The following DCAKD variants were observed in gnomAD, a reference collection of about 807,000 sequenced individuals.
The protein encoded by DCAKD is dephospho-CoA kinase domain containing.
In DCAKD, 15 loss-of-function variants were observed where a neutral mutation model predicts 18.7. That is an observed-to-expected ratio of 0.80 (90% CI 0.54 to 1.24). The LOEUF is 1.24. Among genes scored for constraint, DCAKD ranks in the 50% most tolerant of loss-of-function variants. The pLI is 0.00. For missense variants in DCAKD, 301 were observed against 322.0 expected, an observed-to-expected ratio of 0.93 and a Z score of 0.50; for synonymous variants, 130 against 133.0, an observed-to-expected ratio of 0.98 and a Z score of 0.16.
chr17:45,033,947 T>C, intron 3 of DCAKD: 1 of 1,553,922 alleles, frequency 6.4e-7, no homozygotes, highest in Non-Finnish European at 8.7e-7. Context: ...CCTGGGCTCA[T>C]GGCTCGAAAG....
chr17:45,044,689 CAATAAATAAATAAATAAATAAATA>C lies in DCAKD; in HGVS notation c.-115+6648_-115+6671del, dbSNP rs143312640. Among the ~76,000 whole-genome samples, 6 of 147,418 alleles carry C rather than the reference CAATAAATAAATAAATAAATAAATA, an allele frequency of 4.1e-5. No individual in the cohort carries two copies. In the East Asian group the frequency reaches 8.2e-4, roughly 20 times the overall value. On this transcript the variant is annotated intron_variant, in intron 1 of 4. Transcript: ENST00000651974. ...CCTGGGAGACAGAGAGAGACTCCAT[CAATAAATAAATAAATAAATAAATA>C]AATAAATAAATAAATAAATAAATAA... is the stretch of plus-strand genomic sequence containing the variant.
chr17:45,057,916 C>T (rs1356385004), intron 1 of DCAKD, among the ~76,000 whole-genome samples: 2 of 141,172 alleles, frequency 1.4e-5, no homozygotes, highest in South Asian at 4.4e-4. Context: ...GAGGCTGAGG[C>T]AGGAGAATCG....
intron 1 of DCAKD, among the ~76,000 whole-genome samples, chr17:45,044,287 G>GGCT (rs2053511912): frequency 6.6e-6 from 1 of 151,994 alleles, no homozygotes; most frequent in African/African-American, 2.4e-5. Context: ...TTCCCCAGAG[G>GGCT]GCTGCCCCAT....
chr17:45,049,990 G>C (rs1329587752), intron 1 of DCAKD, among the ~76,000 whole-genome samples: 1 of 151,096 alleles, frequency 6.6e-6, no homozygotes, highest in Non-Finnish European at 1.5e-5. Context: ...CCAAAATACT[G>C]GGATTACCAG....
intron 1 of DCAKD, among the ~76,000 whole-genome samples, chr17:45,035,481 A>T (rs1240803189): frequency 1.7e-4 from 4 of 23,594 alleles, no homozygotes; most frequent in African/African-American, 4.5e-4. Context: ...GATTCCTTCT[A>T]AAAAAAAAAA....
chr17:45,056,479 T>TATA (rs35822180), upstream of DCAKD, among the ~76,000 whole-genome samples: 2 of 150,878 alleles, frequency 1.3e-5, no homozygotes, highest in Admixed American at 6.6e-5. Flanking sequence ...TTTATATATA[T>TATA]TTTTTTTTTC....
In DCAKD at chr17:45,023,949, T is replaced by G. The variant is rs189558263; in HGVS notation, c.*484A>C. On this transcript the variant is annotated 3_prime_UTR_variant, in exon 5 of 5. Transcript: ENST00000651974. ...CAACCTAGGGGAGGGCCTTGTTGAC[T>G]GTTTGAACATGGAAACCCTTGGTCC... The G allele has an allele frequency of 2.9e-3, 447 of 154,152 alleles. 1 individual carries two copies. The highest frequency in any genetic ancestry group is 4.8e-3 in the Non-Finnish European group (335 of 69,194). 9.5% of individuals were successfully genotyped at this position (154,152 alleles called of 1,614,324 possible). A position where few individuals can be genotyped will look rare whatever the true frequency, so the allele number is the denominator to read the frequency against.
intron 3 of DCAKD, chr17:45,031,101 G>A: frequency 1.0e-6 from 1 of 985,434 alleles, no homozygotes; most frequent in South Asian, 4.7e-5. Context: ...CCCCTGGCCT[G>A]GCTGGGGCAG....
At chr17:45,033,989 C>T (rs2053228539) in intron 3 of DCAKD, 198 bp downstream of exon 3, 2 of 1,590,920 alleles carry the variant, frequency 1.3e-6, no homozygotes, top group Non-Finnish European at 1.7e-6. Flanking sequence ...AAACTGTCAG[C>T]CTCCTTAAGA....
chr17:45,028,194 C>T (rs2053097628), intron 4 of DCAKD, among the ~76,000 whole-genome samples: 1 of 149,408 alleles, frequency 6.7e-6, no homozygotes, highest in Non-Finnish European at 1.5e-5. Context: ...CTCCAAGCTC[C>T]GCCTCCCAGG....
chr17:45,028,030 G>A lies in DCAKD; in HGVS notation c.404+2062C>T, dbSNP rs530367968. ...AAAGCAAAGCACAGGAAGGACAAAT[G>A]GCCAGAGGTGGGCGCGGGGTCATCT... On this transcript the variant is annotated intron_variant, in intron 4 of 4. Transcript: ENST00000651974. Among the ~76,000 whole-genome samples the A allele has an allele frequency of 2.3e-4, 35 of 150,836 alleles. 1 individual carries two copies. In the South Asian group the frequency reaches 7.1e-3, roughly 31 times the overall value.
rs571806026 is a variant in DCAKD, at chr17:45,059,732, G to C, written c.-118+1156C>G. Among the ~76,000 whole-genome samples, 8 of 152,260 alleles carry C rather than the reference G, an allele frequency of 5.3e-5. No individual in the cohort carries two copies. In the East Asian group the frequency reaches 1.3e-3, roughly 26 times the overall value. On this transcript the variant is annotated intron_variant, in intron 1 of 4. Transcript: ENST00000310604. ...GCCTGGGGCACACAGATCTGGATTT[G>C]TATACCGATTTGCCACTTAACCAGC... is the stretch of plus-strand genomic sequence containing the variant.
chr17:45,036,060 T>C (rs987126556), intron 1 of DCAKD, among the ~76,000 whole-genome samples: 11 of 152,128 alleles, frequency 7.2e-5, no homozygotes, highest in Non-Finnish European at 1.6e-4. Context: ...GCTGGCGTCG[T>C]GGTTTGTGGC....
At chr17:45,042,687 T>C (rs2053468112) in intron 1 of DCAKD, among the ~76,000 whole-genome samples, 2 of 152,264 alleles carry the variant, frequency 1.3e-5, no homozygotes, top group African/African-American at 4.8e-5. Flanking sequence ...TTAAGTGCTA[T>C]TTTTGTATAC....
chr17:45,029,276 G>A (rs1232529226), intron 4 of DCAKD, among the ~76,000 whole-genome samples: 2 of 152,230 alleles, frequency 1.3e-5, no homozygotes, highest in Non-Finnish European at 2.9e-5. Context: ...CAGGGGGAAA[G>A]GCAGGGGGAT....
At chr17:45,056,720 C>A (rs913408908) in intron 1 of DCAKD, among the ~76,000 whole-genome samples, 3 of 152,186 alleles carry the variant, frequency 2.0e-5, no homozygotes, top group African/African-American at 7.2e-5. Context: ...GGTGATCCGC[C>A]TGCCTTGGCC....
chr17:45,037,260 G>T (rs187303903), intron 1 of DCAKD, among the ~76,000 whole-genome samples: 1 of 152,042 alleles, frequency 6.6e-6, no homozygotes, highest in Admixed American at 6.6e-5. Flanking sequence ...GAGACCAGGA[G>T]TTCGAGGCCA....
At chr17:45,033,543 C>T (rs1038303284) in intron 3 of DCAKD, among the ~76,000 whole-genome samples, 4 of 152,174 alleles carry the variant, frequency 2.6e-5, no homozygotes, top group Admixed American at 2.0e-4. Context: ...CGGTTCACTG[C>T]AACCTCCACC....
chr17:45,030,048 C>A (rs1479052659), intron 4 of DCAKD, 44 bp downstream of exon 4: 1 of 1,544,976 alleles, frequency 6.5e-7, no homozygotes, highest in Non-Finnish European at 8.9e-7. Flanking sequence ...TTCCCAGATA[C>A]CCCCATGGTC....
Sources: allele counts gnomAD v4.1 joint callset (sites outside exome capture counted in the v4.1 genomes callset), GRCh38; gene constraint gnomAD v4.1.1; transcripts MANE v1.5; gene names NCBI Gene and HGNC (gene_info 2026-07-23, HGNC 2026-07-21).